RALGPS1: variants seen among roughly 807,000 people sequenced by gnomAD.
RALGPS1 encodes the protein ras-specific guanine nucleotide-releasing factor RalGPS1.
A neutral mutation model predicts 78.8 loss-of-function variants in RALGPS1; 19 were observed. The ratio of observed to expected loss-of-function variants is 0.24; its 90% CI spans 0.17 to 0.35. The LOEUF (loss-of-function observed/expected upper bound fraction) is 0.35. Among genes scored for constraint, RALGPS1 ranks in the 10% least tolerant of loss-of-function variants. RALGPS1 has a pLI of 1.00. For synonymous variants in RALGPS1, 228 were observed against 256.3 expected (o/e 0.89, Z 1.06); for missense variants, 454 against 688.3 (o/e 0.66, Z 3.81).
rs56664026 is a variant in RALGPS1 at position 127,168,822 on chromosome 9, C to G, written c.842+50C>G. On this transcript the variant is annotated intron_variant, in intron 10 of 18. Transcript: ENST00000259351. ...CAGGCCTCCCAGCCCCACTTTTGTC[C>G]TTAGTGCTCAGGTCCCTGCAAGTGG... The G allele has an allele frequency of 6.1e-4, 895 of 1,479,330 alleles. 6 individuals carry two copies. The African/African-American group carries it at 0.01, about 17-fold the overall frequency. The allele number at this position is 1,479,330 out of a possible 1,614,324, so 91.6% of individuals were successfully genotyped here. A position where few individuals can be genotyped will look rare whatever the true frequency, so the allele number is the denominator to read the frequency against.
At position 126,947,953 on chromosome 9, in the gene RALGPS1, A is replaced by G. The variant is rs1170947929; in HGVS notation, c.-65-14272A>G. ...GTTACAGAAGGTTTTTTTCCTTAACAGATGACAAAAAGAGAACTACATTTT... is the reference window on the plus strand; with the variant it reads ...GTTACAGAAGGTTTTTTTCCTTAACGGATGACAAAAAGAGAACTACATTTT... On this transcript the variant is annotated intron_variant, in intron 1 of 18. Coordinates refer to ENST00000259351, the MANE Select transcript of RALGPS1 (RefSeq NM_014636.3). Among the ~76,000 whole-genome samples, 5 of 152,354 alleles carry G rather than the reference A, an allele frequency of 3.3e-5. No individual in the cohort carries two copies. In the East Asian group the frequency reaches 9.6e-4, roughly 29 times the overall value.
intron 1 of RALGPS1, among the ~76,000 whole-genome samples, chr9:126,916,141 C>T (rs1257299747): frequency 4.6e-5 from 7 of 152,096 alleles, no homozygotes; most frequent in African/African-American, 4.8e-5. Context: ...TTTTCTTGTG[C>T]CGATGGGCAG....
In RALGPS1 at chr9:127,218,036, A is replaced by G. The variant is rs547040126; in HGVS notation, c.1645-704A>G. ...TGGAGATGCATTTTTTTCCTAATTCATAGTTTGACCAAACTGACACCAAAA... is the reference window on the plus strand; with the variant it reads ...TGGAGATGCATTTTTTTCCTAATTCGTAGTTTGACCAAACTGACACCAAAA... On this transcript the variant is annotated intron_variant, in intron 18 of 18. Transcript: ENST00000259351. This position sits in a 1 kb window ranked among gnomAD's most constrained non-coding sequence, Gnocchi z 4.4. 1.4e-4 allele frequency among the ~76,000 whole-genome samples: 21 copies of G among 152,258 alleles called. No homozygotes were observed. Among genetic ancestry groups the G allele is most frequent in the African/African-American group, 4.6e-4 (19 of 41,538 alleles).
intron 4 of RALGPS1, among the ~76,000 whole-genome samples, chr9:127,007,904 T>C (rs2043988317): frequency 6.6e-6 from 1 of 152,148 alleles, no homozygotes; most frequent in Non-Finnish European, 1.5e-5. Flanking sequence ...CTGGCTGCTC[T>C]GTGGAGAAGA....
intron 14 of RALGPS1, among the ~76,000 whole-genome samples, chr9:127,208,709 C>G (rs1180770399): frequency 6.6e-6 from 1 of 152,208 alleles, no homozygotes; most frequent in African/African-American, 2.4e-5. Flanking sequence ...CGCCAGTCCA[C>G]TCCTCACTCC....
chr9:127,021,208 T>C (rs1434757781), intron 4 of RALGPS1, among the ~76,000 whole-genome samples: 1 of 152,020 alleles, frequency 6.6e-6, no homozygotes, highest in African/African-American at 2.4e-5. Context: ...AGCAATGTAA[T>C]AAGACCCTGC....
At chr9:127,171,762 A>T (rs112382928) in intron 10 of RALGPS1, among the ~76,000 whole-genome samples, 2,182 of 152,298 alleles carry the variant, frequency 0.014, 62 homozygotes, top group African/African-American at 0.05. Context: ...ATCTCAAAAA[A>T]AATAATAATA....
rs573046822 is a variant in RALGPS1, at chr9:127,020,515, C to T, written c.217-13916C>T. Among the ~76,000 whole-genome samples, 10 of 152,292 alleles carry T rather than the reference C, an allele frequency of 6.6e-5. No individual in the cohort carries two copies. In the South Asian group the frequency reaches 1.9e-3, roughly 28 times the overall value. Reference sequence around the variant, plus strand: ...TTAAGGGACAAACTACAATTTTCTTCTGAAACTCAGAGCAAAAACAAAGGA... The same window carrying T: ...TTAAGGGACAAACTACAATTTTCTTTTGAAACTCAGAGCAAAAACAAAGGA... On this transcript the variant is annotated intron_variant, in intron 4 of 18. Coordinates refer to ENST00000259351, the MANE Select transcript of RALGPS1 (RefSeq NM_014636.3).
intron 8 of RALGPS1, among the ~76,000 whole-genome samples, chr9:127,159,535 T>G (rs2058899549): frequency 6.6e-6 from 1 of 152,214 alleles, no homozygotes; most frequent in Non-Finnish European, 1.5e-5. Flanking sequence ...ACTGTCTCAG[T>G]GACAGTAAGC....
chr9:127,105,323 C>A (rs373384525), intron 8 of RALGPS1, among the ~76,000 whole-genome samples: 1 of 152,098 alleles, frequency 6.6e-6, no homozygotes, highest in Non-Finnish European at 1.5e-5. Context: ...AAAAGACGGG[C>A]GAGTGCAGGA....
intron 3 of RALGPS1, among the ~76,000 whole-genome samples, chr9:126,972,239 T>C (rs1371440178): frequency 3.3e-5 from 5 of 152,182 alleles, no homozygotes; most frequent in Non-Finnish European, 5.9e-5. Context: ...AGGATAATAA[T>C]TGCAAATGAT....
At chr9:126,928,153 T>C (rs1206415693) in intron 1 of RALGPS1, among the ~76,000 whole-genome samples, 4 of 152,196 alleles carry the variant, frequency 2.6e-5, no homozygotes, top group African/African-American at 9.7e-5. Context: ...AGAGGTCCAG[T>C]GGGAAACTGA....
chr9:127,083,011 C>T (rs1187660178), intron 8 of RALGPS1, among the ~76,000 whole-genome samples: 1 of 152,170 alleles, frequency 6.6e-6, no homozygotes, highest in East Asian at 1.9e-4. Flanking sequence ...GATGTGATTT[C>T]CGGGATAGTG....
chr9:127,074,113 C>T (rs1029727182), intron 8 of RALGPS1, among the ~76,000 whole-genome samples: 1 of 152,166 alleles, frequency 6.6e-6, no homozygotes, highest in Non-Finnish European at 1.5e-5. Context: ...AACTCCTGAC[C>T]TCAGGTGATC....
intron 1 of RALGPS1, among the ~76,000 whole-genome samples, chr9:126,933,266 A>T (rs1049679681): frequency 5.9e-5 from 9 of 152,138 alleles, no homozygotes; most frequent in Non-Finnish European, 8.8e-5. Context: ...GCTGGTGAGC[A>T]GGTTAAAGCT....
chr9:127,027,191 A>G (rs2046029641), intron 4 of RALGPS1, among the ~76,000 whole-genome samples: 1 of 152,204 alleles, frequency 6.6e-6, no homozygotes, highest in South Asian at 2.1e-4. Context: ...TGACGAGGGT[A>G]GTAGTGCCCT....
intron 1 of RALGPS1, among the ~76,000 whole-genome samples, chr9:126,948,678 C>T (rs1442977068): frequency 2.6e-5 from 4 of 152,140 alleles, no homozygotes; most frequent in African/African-American, 4.8e-5. Context: ...GACATGGGGG[C>T]GCTTGAGAAT....
chr9:127,135,355 A>G (rs949153904), intron 8 of RALGPS1, among the ~76,000 whole-genome samples: 3 of 152,142 alleles, frequency 2.0e-5, no homozygotes, highest in Non-Finnish European at 4.4e-5. Context: ...TGGAGCCAAG[A>G]AGTTACTGTG....
At chr9:126,997,867 G>T (rs563764789) in intron 4 of RALGPS1, among the ~76,000 whole-genome samples, 2 of 151,934 alleles carry the variant, frequency 1.3e-5, no homozygotes, top group Non-Finnish European at 2.9e-5. Context: ...ACAATGCTTC[G>T]TATCTACAAC....
Sources: gnomAD v4.1 joint callset for allele counts (sites outside exome capture counted in the v4.1 genomes callset) on GRCh38, gnomAD v4.1.1 for gene constraint, Gnocchi (gnomAD v3.1) non-coding constraint, MANE v1.5 for transcripts, NCBI Gene and HGNC (gene_info 2026-07-23, HGNC 2026-07-21) for gene names.